Variants in TRMT9B observed in about 807,000 individuals in gnomAD.
TRMT9B encodes probable tRNA methyltransferase 9B.
Under a neutral mutation model 11.5 loss-of-function variants are expected in TRMT9B, and 16 were observed. The observed-to-expected ratio is 1.39, with a 90% CI of 0.94 to 2.11. TRMT9B has a LOEUF of 2.11. Among genes scored for constraint, TRMT9B ranks in the 30% most tolerant of loss-of-function variants. The probability of loss-of-function intolerance (pLI) is 0.00; values close to 1 mark genes in which losing one functional copy is unlikely to be tolerated. For missense variants in TRMT9B, 941 were observed against 553.8 expected, an observed-to-expected ratio of 1.70 and a Z score of -7.02; for synonymous variants, 274 against 192.4, an observed-to-expected ratio of 1.42 and a Z score of -3.51.
In TRMT9B at chr8:13,029,704, T is replaced by C. The variant is rs1404344165; in HGVS notation, c.*7660T>C. 1.3e-5 allele frequency: 2 copies of C among 153,590 alleles called. No homozygotes were observed. Among genetic ancestry groups the C allele is most frequent in the Non-Finnish European group, 2.9e-5 (2 of 68,038 alleles). The allele number at this position is 153,590 out of a possible 1,614,324, so 9.5% of individuals were successfully genotyped here. A position where few individuals can be genotyped will look rare whatever the true frequency, so the allele number is the denominator to read the frequency against. Reference sequence around the variant, plus strand: ...CCTTTTAATAATAGATTATCTTTAATGGTTATTAAAAGAATGTTATTGACC... The same window carrying C: ...CCTTTTAATAATAGATTATCTTTAACGGTTATTAAAAGAATGTTATTGACC... On this transcript the variant is annotated 3_prime_UTR_variant, in exon 5 of 5. Coordinates refer to ENST00000524591, the MANE Select transcript of TRMT9B (RefSeq NM_020844.3).
chr8:12,967,399 C>T (rs1055193767), intron 1 of TRMT9B, among the ~76,000 whole-genome samples: 1 of 152,294 alleles, frequency 6.6e-6, no homozygotes, highest in East Asian at 1.9e-4. Context: ...CTATAGCTCC[C>T]CTACAAAGAC....
intron 1 of TRMT9B, among the ~76,000 whole-genome samples, chr8:12,989,806 T>A (rs1163310870): frequency 6.6e-6 from 1 of 152,198 alleles, no homozygotes; most frequent in Admixed American, 6.5e-5. Flanking sequence ...ATAAGATGCT[T>A]TGGTAGCTCT....
chr8:12,979,801 G>C lies in TRMT9B; in HGVS notation c.-199-11033G>C, dbSNP rs544703610. 4.6e-5 allele frequency among the ~76,000 whole-genome samples: 7 copies of C among 152,306 alleles called. No homozygotes were observed. In the South Asian group the frequency reaches 6.2e-4, roughly 14 times the overall value. On this transcript the variant is annotated intron_variant, in intron 1 of 4. Coordinates refer to ENST00000524591, the MANE Select transcript of TRMT9B (RefSeq NM_020844.3). ...TAAAATTTAGTTAAAATTGTGAATT[G>C]CAGGCAACAGAAAGGAATTCTGGAT...
intron 2 of TRMT9B, among the ~76,000 whole-genome samples, chr8:12,991,514 AT>A (rs568144347): frequency 2.1e-4 from 32 of 152,280 alleles, no homozygotes; most frequent in Non-Finnish European, 4.1e-4. Flanking sequence ...TTAAAGCAGA[AT>A]TTTATGCTCT....
chr8:12,993,729 C>T (rs543768795), intron 2 of TRMT9B, among the ~76,000 whole-genome samples: 3 of 152,346 alleles, frequency 2.0e-5, no homozygotes, highest in Admixed American at 2.0e-4. Context: ...GTGATGAGTC[C>T]TGTTGGCAAC....
intron 1 of TRMT9B, among the ~76,000 whole-genome samples, chr8:12,981,563 G>C (rs1018911157): frequency 2.0e-5 from 3 of 151,772 alleles, no homozygotes; most frequent in African/African-American, 4.8e-5. Context: ...TCCAGTATTG[G>C]TTTATTTTTG....
intron 2 of TRMT9B, among the ~76,000 whole-genome samples, chr8:13,005,310 G>T (rs1010556626): frequency 6.6e-6 from 1 of 152,112 alleles, no homozygotes; most frequent in Non-Finnish European, 1.5e-5. Flanking sequence ...GGGGAGGTGG[G>T]AGGGAAGTGG....
At chr8:12,950,320 G>C (rs564038482) in intron 1 of TRMT9B, among the ~76,000 whole-genome samples, 7 of 152,276 alleles carry the variant, frequency 4.6e-5, no homozygotes, top group Admixed American at 2.6e-4. Flanking sequence ...GTATTTATCA[G>C]GTCCTACTAT....
At position 13,012,719 on chromosome 8, in the gene TRMT9B, C is replaced by A; in HGVS notation, c.190C>A (p.Gln64Lys). 6.2e-7 allele frequency: 1 copy of A among 1,613,934 alleles called. No homozygotes were observed. Among genetic ancestry groups the A allele is most frequent in the Middle Eastern group, 1.7e-4 (1 of 6,060 alleles). ...GTGKYLKVNS[Q>K]VHTVGCDYCG... Reference sequence around the variant, plus strand: ...TGGAAAATATCTTAAAGTGAACAGCCAGGTACATACCGTGGGCTGTGACTA... The same window carrying A: ...TGGAAAATATCTTAAAGTGAACAGCAAGGTACATACCGTGGGCTGTGACTA... Residue 64 changes from glutamine (Q) to lysine (K), a missense_variant, in exon 4 of 5, where the codon CAG becomes AAG. Coordinates refer to ENST00000524591, the MANE Select transcript of TRMT9B (RefSeq NM_020844.3).
chr8:13,011,451 T>C, intron 3 of TRMT9B: 1 of 985,348 alleles, frequency 1.0e-6, no homozygotes, highest in African/African-American at 1.7e-5. Flanking sequence ...TGAATAGTGG[T>C]AGATATCTTT....
chr8:12,955,534 G>T (rs1471052869), intron 1 of TRMT9B, among the ~76,000 whole-genome samples: 1 of 152,084 alleles, frequency 6.6e-6, no homozygotes, highest in East Asian at 1.9e-4. Context: ...TCCTGATTTG[G>T]GTAGTCCTGC....
intron 1 of TRMT9B, among the ~76,000 whole-genome samples, chr8:12,980,899 A>G (rs890456528): frequency 3.5e-4 from 53 of 152,236 alleles, no homozygotes; most frequent in African/African-American, 1.3e-3. Flanking sequence ...GTGCTGAAAT[A>G]TAAATCCAGG....
At chr8:12,982,515 A>T (rs1000354895) in intron 1 of TRMT9B, among the ~76,000 whole-genome samples, 2 of 152,144 alleles carry the variant, frequency 1.3e-5, no homozygotes, top group Non-Finnish European at 2.9e-5. Context: ...TACAAAAATT[A>T]GCTGGGTGCA....
intron 1 of TRMT9B, among the ~76,000 whole-genome samples, chr8:12,960,739 A>T (rs1021804687): frequency 3.9e-5 from 6 of 152,246 alleles, no homozygotes; most frequent in Non-Finnish European, 8.8e-5. Context: ...GATTCCAGCT[A>T]ATTGACATAT....
Position 13,028,574 on chromosome 8 carries a change from CT to C in TRMT9B, c.*6549del, listed in dbSNP as rs1174647202. 115 of 76,176 alleles carry C rather than the reference CT, an allele frequency of 1.5e-3. No homozygotes were observed. Among genetic ancestry groups the C allele is most frequent in the African/African-American group, 3.8e-3 (88 of 23,006 alleles). 4.7% of individuals were successfully genotyped at this position (76,176 alleles called of 1,614,324 possible). A position where few individuals can be genotyped will look rare whatever the true frequency, so the allele number is the denominator to read the frequency against. ...GATAAGCACTTTTCTCTTTTCTTTT[CT>C]TTTTTTTTTTTTTTTTTTGAGACAG... On this transcript the variant is annotated 3_prime_UTR_variant, in exon 5 of 5. Transcript: ENST00000524591.
chr8:13,013,480 G>A (rs769959427), intron 4 of TRMT9B, among the ~76,000 whole-genome samples: 1 of 152,130 alleles, frequency 6.6e-6, no homozygotes, highest in Non-Finnish European at 1.5e-5. Flanking sequence ...AAAAATGGGG[G>A]GAAAAAATCC....
chr8:12,983,240 G>T (rs1805709028), intron 1 of TRMT9B, among the ~76,000 whole-genome samples: 1 of 152,126 alleles, frequency 6.6e-6, no homozygotes. Context: ...AGGTGCAATG[G>T]GCTTATTTAA....
intron 1 of TRMT9B, among the ~76,000 whole-genome samples, chr8:12,962,512 A>G (rs1393899247): frequency 6.6e-6 from 1 of 151,398 alleles, no homozygotes; most frequent in African/African-American, 2.4e-5. Flanking sequence ...TTTGTTTTTG[A>G]TAGGGTTCCC....
rs549098900 is a variant in TRMT9B at position 13,018,172 on chromosome 8, C to T, written c.329-2836C>T. ...ATCCCAGCACTTTGGGAGGCTGAGG[C>T]AGGAGGATGGCTTGAGCCCAGGAGT... On this transcript the variant is annotated intron_variant, in intron 4 of 4. Transcript: ENST00000524591. 3.3e-3 allele frequency among the ~76,000 whole-genome samples: 499 copies of T among 149,484 alleles called. 2 individuals are homozygous for T. The highest frequency in any genetic ancestry group is 0.011 in the African/African-American group (464 of 40,702).
Sources: allele counts gnomAD v4.1 joint callset (sites outside exome capture counted in the v4.1 genomes callset), GRCh38; gene constraint gnomAD v4.1.1; transcripts MANE v1.5; gene names NCBI Gene and HGNC (gene_info 2026-07-23, HGNC 2026-07-21).